Variants in INPP5D observed in about 807,000 individuals in gnomAD.
The protein encoded by INPP5D is phosphatidylinositol 3,4,5-trisphosphate 5-phosphatase 1.
INPP5D carries 33 observed loss-of-function variants against 122.9 expected under a neutral mutation model. The observed-to-expected ratio is 0.27, with a 90% CI of 0.20 to 0.36. INPP5D has a LOEUF of 0.36. Ranked by LOEUF, INPP5D falls within the 10% of genes least tolerant of loss-of-function variation. INPP5D has a pLI of 1.00. For missense variants in INPP5D, 1,053 were observed against 1,412.7 expected (o/e 0.75, Z 4.08); for synonymous variants, 584 against 576.2 (o/e 1.01, Z -0.19).
intron 25 of INPP5D, among the ~76,000 whole-genome samples, chr2:233,199,815 C>T (rs748456845): frequency 2.6e-5 from 4 of 151,846 alleles, no homozygotes; most frequent in Non-Finnish European, 5.9e-5. Flanking sequence ...GGCGACAAAG[C>T]GAGACTCCAT....
rs1695212897 is a variant in INPP5D, at chr2:233,197,426, TGGA to T, written c.2694-667_2694-665del. ...TGATGTGTTCCAGAGGAACCCCTGC[TGGA>T]GTCTGCCCTGAAAATCCCCTCCTTC... On this transcript the variant is annotated intron_variant, in intron 24 of 26. Transcript: ENST00000445964. This position sits in a 1 kb window ranked among gnomAD's most constrained non-coding sequence, Gnocchi z 4.4. 6.6e-6 allele frequency among the ~76,000 whole-genome samples: 1 copy of T among 152,148 alleles called. No individual in the cohort carries two copies. The highest frequency in any genetic ancestry group is 2.4e-5 in the African/African-American group (1 of 41,452).
rs529680647 is a variant in INPP5D, at chr2:233,170,674, C to T, written c.1900+70C>T. 7.2e-5 allele frequency: 113 copies of T among 1,569,958 alleles called. 1 individual carries two copies. In the East Asian group the frequency reaches 1.6e-3, roughly 23 times the overall value. Reference sequence around the variant, plus strand: ...ATCCCAGCACTTTAGGAGGCCGAGGCGGGCGGATCACGAGATCAGGAGATG... The same window carrying T: ...ATCCCAGCACTTTAGGAGGCCGAGGTGGGCGGATCACGAGATCAGGAGATG... On this transcript the variant is annotated intron_variant, in intron 16 of 26. Transcript: ENST00000445964. The surrounding 1 kb of genome is among the most constrained non-coding windows in gnomAD (Gnocchi z 4.5).
At chr2:233,076,678 A>G (rs11674347) in intron 1 of INPP5D, among the ~76,000 whole-genome samples, 12,666 of 152,320 alleles carry the variant, frequency 0.083, 1,038 homozygotes, top group East Asian at 0.27. Context: ...CTTATTCATA[A>G]CTAAGCAAAA....
chr2:233,079,836 C>G (rs1691623586), intron 2 of INPP5D, among the ~76,000 whole-genome samples: 1 of 152,226 alleles, frequency 6.6e-6, no homozygotes, highest in African/African-American at 2.4e-5. Context: ...AGTGCCTTTC[C>G]ATTTGTAGAA....
At chr2:233,199,673 C>T (rs1203599384) in intron 25 of INPP5D, among the ~76,000 whole-genome samples, 1 of 151,768 alleles carries the variant, frequency 6.6e-6, no homozygotes, top group Non-Finnish European at 1.5e-5. Flanking sequence ...ACTAAAAATA[C>T]AAAAAATTAG....
chr2:233,166,310 C>T (rs1446139454), intron 13 of INPP5D, among the ~76,000 whole-genome samples: 1 of 152,218 alleles, frequency 6.6e-6, no homozygotes, highest in Non-Finnish European at 1.5e-5. Flanking sequence ...GTCATCCTGG[C>T]CTCAGGGCTG....
chr2:233,170,226 A>G lies in INPP5D; in HGVS notation c.1791+62A>G, dbSNP rs1694456615. ...TATGAGATGGAGGCTCCCTTGAGTCAGCTTGGGGCAGGTGGTCGTGGAGAC... is the reference window on the plus strand; with the variant it reads ...TATGAGATGGAGGCTCCCTTGAGTCGGCTTGGGGCAGGTGGTCGTGGAGAC... On this transcript the variant is annotated intron_variant, in intron 15 of 26. Transcript: ENST00000445964. The surrounding 1 kb of genome is among the most constrained non-coding windows in gnomAD (Gnocchi z 4.5). 1.8e-5 allele frequency: 29 copies of G among 1,577,780 alleles called. 1 individual carries two copies. In the South Asian group the frequency reaches 3.0e-4, roughly 16 times the overall value.
chr2:233,201,058 G>A (rs1349763968), intron 25 of INPP5D, among the ~76,000 whole-genome samples: 1 of 152,144 alleles, frequency 6.6e-6, no homozygotes, highest in Non-Finnish European at 1.5e-5. Flanking sequence ...GGACAGGATA[G>A]CCCTGAAGCT....
chr2:233,163,144 A>G (rs1394081129), intron 11 of INPP5D, among the ~76,000 whole-genome samples: 1 of 152,204 alleles, frequency 6.6e-6, no homozygotes, highest in African/African-American at 2.4e-5. Context: ...TCATCCTTCA[A>G]GGGCATTGTA....
rs922453888 is a variant in INPP5D, at chr2:233,078,253, C to G, written c.135-1082C>G. Among the ~76,000 whole-genome samples, 18 of 152,226 alleles carry G rather than the reference C, an allele frequency of 1.2e-4. No individual in the cohort carries two copies. Among genetic ancestry groups the G allele is most frequent in the African/African-American group, 4.3e-4 (18 of 41,460 alleles). On this transcript the variant is annotated intron_variant, in intron 1 of 26. Coordinates refer to ENST00000445964, the MANE Select transcript of INPP5D (RefSeq NM_001017915.3). The surrounding 1 kb of genome is among the most constrained non-coding windows in gnomAD (Gnocchi z 4.6). The stretch of plus-strand genomic sequence containing the variant: ...GTGCCCCTCTCCCAAGGTGCTAGCA[C>G]TTGACAGCCCCCTTTTCCTCTCACA...
intron 2 of INPP5D, among the ~76,000 whole-genome samples, chr2:233,079,835 C>A (rs1691623516): frequency 6.6e-6 from 1 of 152,176 alleles, no homozygotes; most frequent in Admixed American, 6.5e-5. Context: ...CAGTGCCTTT[C>A]CATTTGTAGA....
intron 1 of INPP5D, among the ~76,000 whole-genome samples, chr2:233,067,736 A>G (rs1160995763): frequency 6.6e-6 from 1 of 152,180 alleles, no homozygotes; most frequent in African/African-American, 2.4e-5. Flanking sequence ...AGTGGGTGTG[A>G]AGTGATGTCT....
chr2:233,131,534 T>TAA (rs754526793), intron 5 of INPP5D, among the ~76,000 whole-genome samples: 1 of 134,342 alleles, frequency 7.4e-6, no homozygotes. Context: ...CTGTCTCTAC[T>TAA]AAAAAAAAAA....
intron 18 of INPP5D, among the ~76,000 whole-genome samples, chr2:233,178,854 T>G (rs1694713775): frequency 6.6e-6 from 1 of 152,154 alleles, no homozygotes; most frequent in Non-Finnish European, 1.5e-5. Context: ...CCCCAGTCCT[T>G]GGAGCAAGGA....
chr2:233,168,580 C>T (rs1380123145), intron 13 of INPP5D, among the ~76,000 whole-genome samples: 6 of 152,242 alleles, frequency 3.9e-5, no homozygotes, highest in South Asian at 4.1e-4. Context: ...GTTCCAGTAA[C>T]GTGTTCTTTA....
At chr2:233,138,008 T>TATTATATTAATAATGTAATGAG (rs1693538619) in intron 5 of INPP5D, among the ~76,000 whole-genome samples, 4 of 144,906 alleles carry the variant, frequency 2.8e-5, no homozygotes, top group African/African-American at 1.0e-4. Context: ...AATGAGATTA[T>TATTATATTAATAATGTAATGAG]ATTATATTAA....
intron 19 of INPP5D, 78 bp downstream of exon 19, chr2:233,182,577 C>T (rs1242186260): frequency 1.9e-6 from 3 of 1,587,036 alleles, no homozygotes; most frequent in Non-Finnish European, 1.7e-6. Context: ...AGGTGGCAGT[C>T]AGTGGTCTGC....
At chr2:233,101,756 A>T (rs9749807) in intron 2 of INPP5D, among the ~76,000 whole-genome samples, 3,874 of 146,262 alleles carry the variant, frequency 0.026, 191 homozygotes, top group African/African-American at 0.09. Flanking sequence ...ATTATAAATT[A>T]TATTTATTTA....
chr2:233,127,527 G>A (rs1693196591), intron 4 of INPP5D, among the ~76,000 whole-genome samples: 1 of 152,228 alleles, frequency 6.6e-6, no homozygotes, highest in African/African-American at 2.4e-5. Flanking sequence ...TTAGGTCTTA[G>A]TAGGTTAATT....
Sources: gnomAD v4.1 joint callset for allele counts (sites outside exome capture counted in the v4.1 genomes callset) on GRCh38, gnomAD v4.1.1 for gene constraint, Gnocchi (gnomAD v3.1) non-coding constraint, MANE v1.5 for transcripts, NCBI Gene and HGNC (gene_info 2026-07-23, HGNC 2026-07-21) for gene names.